SV2C: variants seen among roughly 807,000 people sequenced by gnomAD.
SV2C encodes solute carrier family 22 member B3.
Under a neutral mutation model 79.7 loss-of-function variants are expected in SV2C, and 49 were observed. That is an observed-to-expected ratio of 0.61 (90% CI 0.49 to 0.78). The LOEUF (loss-of-function observed/expected upper bound fraction) is 0.78, where lower values mean the gene tolerates loss of function less well. SV2C is among the 30% of genes least tolerant of loss of function. The pLI is 0.00. For missense variants in SV2C, 833 were observed against 912.9 expected, an observed-to-expected ratio of 0.91 and a Z score of 1.13; for synonymous variants, 334 against 333.2, an observed-to-expected ratio of 1.00 and a Z score of -0.03.
the SV2C span, among the ~76,000 whole-genome samples, chr5:75,984,553 C>CTATCTATCTATCTATCTATCTA: frequency 9.4e-6 from 1 of 106,300 alleles, no homozygotes; most frequent in African/African-American, 4.2e-5. Context: ...ATCTATCTAT[C>CTATCTATCTATCTATCTATCTA]TATCTATCTA....
At chr5:76,136,348 G>A (rs1307552598) in intron 2 of SV2C, among the ~76,000 whole-genome samples, 1 of 152,300 alleles carries the variant, frequency 6.6e-6, no homozygotes, top group South Asian at 2.1e-4. Context: ...TGAGAAAAAT[G>A]GAGACAGCAA....
chr5:76,299,089 T>C (rs925232431), intron 10 of SV2C, among the ~76,000 whole-genome samples, 162 bp downstream of exon 10: 2 of 152,218 alleles, frequency 1.3e-5, no homozygotes, highest in African/African-American at 4.8e-5. Flanking sequence ...TGGCTTGTAT[T>C]GTTTGTCTTT....
intron 3 of SV2C, among the ~76,000 whole-genome samples, chr5:76,202,282 T>G (rs1744474388): frequency 1.3e-5 from 2 of 152,330 alleles, no homozygotes; most frequent in East Asian, 3.9e-4. Flanking sequence ...GCACTTTATA[T>G]TAGTAAATAT....
intron 2 of SV2C, among the ~76,000 whole-genome samples, chr5:76,181,906 A>G (rs536973553): frequency 2.7e-4 from 41 of 152,158 alleles, no homozygotes; most frequent in Non-Finnish European, 2.6e-4. Flanking sequence ...GAGTCTTCTC[A>G]TACTCATCCA....
At position 76,326,233 on chromosome 5, in the gene SV2C, G is replaced by A. The variant is rs745774488; in HGVS notation, c.*686G>A. 1 of 152,222 alleles carries A rather than the reference G, an allele frequency of 6.6e-6. No homozygotes were observed. Among genetic ancestry groups the A allele is most frequent in the Non-Finnish European group, 1.5e-5 (1 of 68,048 alleles). The allele number at this position is 152,222 out of a possible 1,614,324, so 9.4% of individuals were successfully genotyped here. On this transcript the variant is annotated 3_prime_UTR_variant, in exon 13 of 13. Coordinates refer to ENST00000502798, the MANE Select transcript of SV2C (RefSeq NM_014979.4). ...AAGCCCAATTAAACCTCTGAAAAGT[G>A]TGAGGAAAAAGAACTGTAACAGTAT...
At chr5:76,339,093 C>T (rs1022705626) in intron 12 of SV2C, among the ~76,000 whole-genome samples, 34 of 152,122 alleles carry the variant, frequency 2.2e-4, no homozygotes, top group Admixed American at 3.3e-4. Context: ...TTTGGGAAGA[C>T]GGGTCCTCTT....
chr5:76,110,244 G>C (rs530193234), intron 1 of SV2C, among the ~76,000 whole-genome samples: 1 of 152,284 alleles, frequency 6.6e-6, no homozygotes, highest in East Asian at 1.9e-4. Flanking sequence ...AGAGGCAGCA[G>C]AGAAAGAAAC....
intron 12 of SV2C, among the ~76,000 whole-genome samples, chr5:76,339,674 A>G (rs1362373028): frequency 7.5e-6 from 1 of 133,764 alleles, no homozygotes; most frequent in Non-Finnish European, 1.5e-5. Flanking sequence ...AGATTGTGCC[A>G]CTGCACTCCA....
the SV2C span, among the ~76,000 whole-genome samples, chr5:76,016,610 A>G: frequency 6.6e-6 from 1 of 152,206 alleles, no homozygotes. Flanking sequence ...AAAATGGTAT[A>G]AATGGTAAAG....
the SV2C span, among the ~76,000 whole-genome samples, chr5:75,993,573 G>A: frequency 6.6e-6 from 1 of 151,994 alleles, no homozygotes; most frequent in Non-Finnish European, 1.5e-5. Context: ...CAAGAACACT[G>A]CACTTAAGAA....
At chr5:75,910,757 C>A in the SV2C span, 177 of 1,363,588 alleles carry the variant, frequency 1.3e-4, no homozygotes, top group Non-Finnish European at 2.7e-5. Flanking sequence ...ACTAGAGGAG[C>A]TGCCTATTCT....
chr5:76,298,746 G>A, intron 9 of SV2C, 48 bp from the exon 10 acceptor site: 2 of 1,598,134 alleles, frequency 1.3e-6, no homozygotes, highest in Non-Finnish European at 1.7e-6. Context: ...TTTGAACTTT[G>A]ATGGACACAG....
chr5:76,343,548 TAA>T (rs1439753081), intron 12 of SV2C, among the ~76,000 whole-genome samples: 1 of 152,126 alleles, frequency 6.6e-6, no homozygotes, highest in Admixed American at 6.5e-5. Flanking sequence ...GGCTAAAATT[TAA>T]AAGACTGATA....
chr5:76,143,581 C>A (rs1430870768), intron 2 of SV2C, among the ~76,000 whole-genome samples: 2 of 152,156 alleles, frequency 1.3e-5, no homozygotes, highest in Non-Finnish European at 2.9e-5. Flanking sequence ...CTCTCAAATA[C>A]ATATTTCTAC....
In SV2C at chr5:76,328,911, T is replaced by G. The variant is rs183839928; in HGVS notation, c.*3364T>G. On this transcript the variant is annotated 3_prime_UTR_variant, in exon 13 of 13. Transcript: ENST00000502798. Reference sequence around the variant, plus strand: ...TCCCAAGTAGCTGGGACCACACGCATGCGCCACCACGCCCAGCTAATTTTT... The same window carrying G: ...TCCCAAGTAGCTGGGACCACACGCAGGCGCCACCACGCCCAGCTAATTTTT... The G allele has an allele frequency of 6.6e-6, 1 of 152,204 alleles. No individual in the cohort carries two copies. The highest frequency in any genetic ancestry group is 1.9e-4 in the East Asian group (1 of 5,164). 9.4% of individuals were successfully genotyped at this position (152,204 alleles called of 1,614,324 possible). A position where few individuals can be genotyped will look rare whatever the true frequency, so the allele number is the denominator to read the frequency against.
At chr5:75,905,495 A>G in the SV2C span, among the ~76,000 whole-genome samples, 3 of 152,352 alleles carry the variant, frequency 2.0e-5, no homozygotes, top group South Asian at 6.2e-4. Context: ...TGCTTTGGAT[A>G]GAATTCCAAA....
chr5:75,863,168 A>G, the SV2C span, among the ~76,000 whole-genome samples: 1 of 152,212 alleles, frequency 6.6e-6, no homozygotes, highest in Non-Finnish European at 1.5e-5. Context: ...AACTTCTCCC[A>G]GTATGGCTGA....
At chr5:76,152,415 A>T (rs1481717850) in intron 2 of SV2C, among the ~76,000 whole-genome samples, 1 of 152,256 alleles carries the variant, frequency 6.6e-6, no homozygotes. Flanking sequence ...TGGGTCATTA[A>T]GTGCCAGTAA....
the SV2C span, among the ~76,000 whole-genome samples, chr5:75,917,061 C>A: frequency 2.0e-5 from 3 of 152,190 alleles, no homozygotes; most frequent in Non-Finnish European, 4.4e-5. Flanking sequence ...GTAACACAGC[C>A]TTTATTCACT....
Sources: allele counts gnomAD v4.1 joint callset (sites outside exome capture counted in the v4.1 genomes callset), GRCh38; gene constraint gnomAD v4.1.1; transcripts MANE v1.5; gene names NCBI Gene and HGNC (gene_info 2026-07-23, HGNC 2026-07-21).